ANKS3: variants seen among roughly 807,000 people sequenced by gnomAD.
ANKS3 encodes the protein ankyrin repeat and sterile alpha motif domain containing 3, also known as ankyrin repeat and SAM domain-containing protein 3.
Under a neutral mutation model 80.7 loss-of-function variants are expected in ANKS3, and 62 were observed. That is an observed-to-expected ratio of 0.77 (90% CI 0.63 to 0.95). ANKS3 has a LOEUF of 0.95. ANKS3 is among the 40% of genes least tolerant of loss of function. ANKS3 has a pLI of 0.00. For synonymous variants in ANKS3, 489 were observed against 355.3 expected, an observed-to-expected ratio of 1.38 and a Z score of -4.23; for missense variants, 1,150 against 883.6, an observed-to-expected ratio of 1.30 and a Z score of -3.82.
chr16:4,714,359 G>T, intron 6 of ANKS3, 173 bp from the exon 7 acceptor site: 1 of 958,484 alleles, frequency 1.0e-6, no homozygotes, highest in Non-Finnish European at 1.5e-6. Flanking sequence ...GCAGCCACAA[G>T]TTTTGCTCTC....
chr16:4,716,481 G>GGGA (rs1309813213), intron 6 of ANKS3, among the ~76,000 whole-genome samples: 1 of 152,090 alleles, frequency 6.6e-6, no homozygotes, highest in African/African-American at 2.4e-5. Context: ...TAGTTGGTGG[G>GGGA]GGAGGCAGAG....
intron 11 of ANKS3, chr16:4,699,716 GA>G (rs970323860): frequency 6.4e-5 from 10 of 157,328 alleles, no homozygotes; most frequent in African/African-American, 2.2e-4. Context: ...TGCTTGAGGG[GA>G]TCACAGATTT....
intron 11 of ANKS3, 22 bp from the exon 12 acceptor site, chr16:4,699,198 T>A: frequency 6.2e-7 from 1 of 1,612,934 alleles, no homozygotes; most frequent in Non-Finnish European, 8.5e-7. Flanking sequence ...AGGGGACAGG[T>A]TGGGGGAGGT....
intron 11 of ANKS3, 33 bp from the exon 12 acceptor site, chr16:4,699,209 A>G (rs1303780585): frequency 6.2e-7 from 1 of 1,611,340 alleles, no homozygotes; most frequent in Non-Finnish European, 8.5e-7. Flanking sequence ...TGGGGGAGGT[A>G]GTGGCTGACG....
intron 6 of ANKS3, among the ~76,000 whole-genome samples, chr16:4,717,009 A>C (rs2080838969): frequency 6.6e-6 from 1 of 151,916 alleles, no homozygotes; most frequent in Non-Finnish European, 1.5e-5. Flanking sequence ...AGACGGGTGG[A>C]TCACCTGAGG....
intron 7 of ANKS3, among the ~76,000 whole-genome samples, chr16:4,711,658 C>A (rs912795135): frequency 7.1e-6 from 1 of 141,484 alleles, no homozygotes; most frequent in Admixed American, 7.6e-5. Flanking sequence ...GCAGAGGTTG[C>A]GGTGAGTCAA....
chr16:4,724,894 C>G, intron 5 of ANKS3, 63 bp from the exon 6 acceptor site: 1 of 1,491,618 alleles, frequency 6.7e-7, no homozygotes, highest in Non-Finnish European at 9.3e-7. Flanking sequence ...CAAAAACTCC[C>G]TGCTGAAGAT....
chr16:4,698,651 G>C (rs1309925052), intron 13 of ANKS3, 52 bp from the exon 14 acceptor site: 2 of 1,532,616 alleles, frequency 1.3e-6, no homozygotes, highest in Admixed American at 1.9e-5. Flanking sequence ...GGTCAAGCCA[G>C]ACCCTTGGCC....
intron 11 of ANKS3, chr16:4,699,579 G>A: frequency 9.1e-6 from 2 of 220,420 alleles, no homozygotes; most frequent in Non-Finnish European, 1.9e-5. Context: ...GAGTTCACCT[G>A]TCTGGAGTTC....
intron 11 of ANKS3, chr16:4,699,918 C>G (rs2079806792): frequency 6.6e-6 from 1 of 152,352 alleles, no homozygotes; most frequent in Admixed American, 6.5e-5. Flanking sequence ...AATGGACAAA[C>G]AAATGTTACT....
intron 7 of ANKS3, among the ~76,000 whole-genome samples, chr16:4,709,568 T>A (rs1276775699): frequency 6.6e-6 from 1 of 152,192 alleles, no homozygotes; most frequent in East Asian, 1.9e-4. Context: ...TCAACCTGTG[T>A]CCATCAGTGG....
chr16:4,726,919 T>C, intron 4 of ANKS3, 60 bp downstream of exon 4: 1 of 1,608,950 alleles, frequency 6.2e-7, no homozygotes, highest in Non-Finnish European at 8.5e-7. Flanking sequence ...GGTTCGCATC[T>C]CTGTCAGGGT....
chr16:4,708,377 G>C (rs2080311014), intron 7 of ANKS3, among the ~76,000 whole-genome samples: 1 of 151,948 alleles, frequency 6.6e-6, no homozygotes, highest in African/African-American at 2.4e-5. Flanking sequence ...AAATAACAAG[G>C]AAAGTATTAA....
At chr16:4,706,453 T>C (rs1004476571) in intron 7 of ANKS3, among the ~76,000 whole-genome samples, 6 of 152,138 alleles carry the variant, frequency 3.9e-5, no homozygotes, top group African/African-American at 7.2e-5. Context: ...GCCAGGCTGG[T>C]CTCGATCTCC....
chr16:4,722,783 G>A (rs867755516), intron 6 of ANKS3, among the ~76,000 whole-genome samples: 53 of 146,894 alleles, frequency 3.6e-4, no homozygotes, highest in South Asian at 4.4e-4. Context: ...CCAGGTGTGC[G>A]GGCGGGTGCC....
At chr16:4,701,239 C>G in intron 10 of ANKS3, 105 bp from the exon 11 acceptor site, 3 of 1,528,046 alleles carry the variant, frequency 2.0e-6, no homozygotes, top group African/African-American at 1.4e-5. Flanking sequence ...GTGAAACCCC[C>G]CACCCGCCAC....
At chr16:4,697,543 C>T in intron 15 of ANKS3, 127 bp from the exon 16 acceptor site, 1 of 748,284 alleles carries the variant, frequency 1.3e-6, no homozygotes, top group Non-Finnish European at 2.1e-6. Flanking sequence ...CTGACAGTGT[C>T]TAAGCAACCT....
Position 4,705,207 on chromosome 16 carries a change from A to G in ANKS3, c.756T>C (p.Pro252=). ...LSSSDESCPA[P]QRQRPCRKKG... ...TCTTCCGGCAAGGCCTCTGTCTCTGAGGAGCAGGGCAGGACTCGTCAGAAG... is the reference window on the plus strand; with the variant it reads ...TCTTCCGGCAAGGCCTCTGTCTCTGGGGAGCAGGGCAGGACTCGTCAGAAG... Residue 252 remains proline, a synonymous_variant, in exon 8 of 18, where the codon CCT becomes CCC. Coordinates refer to ENST00000304283, the MANE Select transcript of ANKS3 (RefSeq NM_133450.4). 2.5e-6 allele frequency: 4 copies of G among 1,614,054 alleles called. No homozygotes were observed. The highest frequency in any genetic ancestry group is 3.4e-6 in the Non-Finnish European group (4 of 1,180,040).
intron 1 of ANKS3, among the ~76,000 whole-genome samples, chr16:4,732,678 C>CCAAA (rs1555480275): frequency 1.4e-5 from 1 of 69,962 alleles, no homozygotes; most frequent in Admixed American, 1.9e-4. Context: ...AATTCTGTCT[C>CCAAA]AAAAAAAAAA....
Sources: gnomAD v4.1 joint callset for allele counts (sites outside exome capture counted in the v4.1 genomes callset) on GRCh38, gnomAD v4.1.1 for gene constraint, MANE v1.5 for transcripts, NCBI Gene and HGNC (gene_info 2026-07-23, HGNC 2026-07-21) for gene names.